SAMD3: variants seen among roughly 807,000 people sequenced by gnomAD.
SAMD3 encodes the protein sterile alpha motif domain containing 3, also known as sterile alpha motif domain-containing protein 3.
In SAMD3, 63 loss-of-function variants were observed where a neutral mutation model predicts 58.5. That is an observed-to-expected ratio of 1.08 (90% CI 0.88 to 1.33). The LOEUF (loss-of-function observed/expected upper bound fraction) is 1.33, where lower values mean the gene tolerates loss of function less well. Among genes scored for constraint, SAMD3 ranks in the 40% most tolerant of loss-of-function variants. The pLI is 0.00. For missense variants in SAMD3, 604 were observed against 608.4 expected (o/e 0.99, Z 0.08); for synonymous variants, 220 against 210.3 (o/e 1.05, Z -0.40).
intron 2 of SAMD3, among the ~76,000 whole-genome samples, chr6:130,296,958 C>T (rs1363962565): frequency 6.6e-6 from 1 of 152,198 alleles, no homozygotes; most frequent in Non-Finnish European, 1.5e-5. Flanking sequence ...CACTTCAGTG[C>T]ACCCCAACAC....
At chr6:130,351,187 C>A (rs1777650012) in intron 1 of SAMD3, among the ~76,000 whole-genome samples, 1 of 152,138 alleles carries the variant, frequency 6.6e-6, no homozygotes, top group South Asian at 2.1e-4. Context: ...TTGTCTAAAA[C>A]ACCAAAAGCA....
chr6:130,289,155 G>C (rs535791300), intron 2 of SAMD3, among the ~76,000 whole-genome samples: 1 of 152,226 alleles, frequency 6.6e-6, no homozygotes, highest in East Asian at 1.9e-4. Context: ...TTGTTGTTGA[G>C]GCTACTTTAA....
chr6:130,319,139 A>C (rs1275797825), intron 1 of SAMD3, among the ~76,000 whole-genome samples: 1 of 152,184 alleles, frequency 6.6e-6, no homozygotes, highest in Non-Finnish European at 1.5e-5. Context: ...ATAAAGCATC[A>C]GTGGGTTGTG....
intron 1 of SAMD3, among the ~76,000 whole-genome samples, chr6:130,322,482 A>C (rs990295162): frequency 6.6e-6 from 1 of 152,196 alleles, no homozygotes; most frequent in African/African-American, 2.4e-5. Flanking sequence ...TTCAAAGTAC[A>C]TTGTAGTAGC....
At chr6:130,341,719 G>A (rs1172116248) in intron 1 of SAMD3, among the ~76,000 whole-genome samples, 1 of 152,084 alleles carries the variant, frequency 6.6e-6, no homozygotes, top group African/African-American at 2.4e-5. Context: ...TGAGTGGGAG[G>A]CTTGTTGTTA....
intron 2 of SAMD3, among the ~76,000 whole-genome samples, chr6:130,255,465 A>G (rs1773891876): frequency 6.6e-6 from 1 of 152,152 alleles, no homozygotes; most frequent in African/African-American, 2.4e-5. Flanking sequence ...TGCTTTATAT[A>G]TTTATGTGTT....
In SAMD3 at chr6:130,144,636, T is replaced by G. The variant is rs766207441; in HGVS notation, c.1447A>C (p.Arg483=). The change falls in exon 12 of 12, where the codon AGA becomes CGA. Residue 483 remains arginine, a synonymous_variant. Coordinates refer to ENST00000439090, the MANE Select transcript of SAMD3 (RefSeq NM_001017373.4). ...AGGAAGTTGAAAGTTTGGGACAGTC[T>G]TCTTGGACACTCAATCCTAAATACA... ...FHVFRIECPR[R]LSQTFNFLET... 17 of 1,614,150 alleles carry G rather than the reference T, an allele frequency of 1.1e-5. No individual in the cohort carries two copies. In the South Asian group the frequency reaches 1.5e-4, roughly 15 times the overall value.
intron 9 of SAMD3, among the ~76,000 whole-genome samples, chr6:130,147,221 C>T (rs1788719794): frequency 1.3e-5 from 2 of 152,132 alleles, no homozygotes; most frequent in African/African-American, 4.8e-5. Context: ...CTATAAAGAA[C>T]AATCACATAC....
At chr6:130,363,283 C>G (rs1352357363) in intron 1 of SAMD3, among the ~76,000 whole-genome samples, 1 of 152,216 alleles carries the variant, frequency 6.6e-6, no homozygotes, top group Non-Finnish European at 1.5e-5. Flanking sequence ...TAATCCCACA[C>G]AAATTTTCTA....
chr6:130,232,379 G>A (rs544532161), intron 2 of SAMD3, among the ~76,000 whole-genome samples: 21 of 152,114 alleles, frequency 1.4e-4, no homozygotes, highest in Admixed American at 6.5e-5. Context: ...GTGTTAATGG[G>A]CTAATTAATG....
intron 5 of SAMD3, among the ~76,000 whole-genome samples, chr6:130,206,742 C>G (rs1188491768): frequency 1.3e-5 from 2 of 152,132 alleles, no homozygotes; most frequent in Non-Finnish European, 2.9e-5. Context: ...CTTCTAGTTT[C>G]CAAACCCTTC....
chr6:130,170,181 A>G (rs1274598734), intron 8 of SAMD3, among the ~76,000 whole-genome samples: 1 of 152,102 alleles, frequency 6.6e-6, no homozygotes, highest in Non-Finnish European at 1.5e-5. Context: ...TGTTTGTCCT[A>G]ATGCTCTCCC....
chr6:130,186,441 G>C (rs1792967925), intron 5 of SAMD3, among the ~76,000 whole-genome samples: 1 of 152,012 alleles, frequency 6.6e-6, no homozygotes, highest in Admixed American at 6.5e-5. Context: ...TACTATATCA[G>C]TGGCGAAATT....
chr6:130,252,994 C>T (rs1773791975), intron 2 of SAMD3, among the ~76,000 whole-genome samples: 1 of 152,150 alleles, frequency 6.6e-6, no homozygotes. Context: ...TTTACATTTC[C>T]AGTAATCAGA....
intron 9 of SAMD3, among the ~76,000 whole-genome samples, chr6:130,147,444 A>C (rs1430382003): frequency 1.3e-5 from 2 of 152,218 alleles, no homozygotes; most frequent in Non-Finnish European, 2.9e-5. Context: ...GAAGGAGGTG[A>C]ATACGCCACT....
intron 5 of SAMD3, among the ~76,000 whole-genome samples, chr6:130,186,648 C>T (rs1792989986): frequency 6.6e-6 from 1 of 152,112 alleles, no homozygotes; most frequent in Non-Finnish European, 1.5e-5. Context: ...TCATTTTCTT[C>T]CATATTCTAT....
At chr6:130,207,576 C>T (rs1027530461) in intron 5 of SAMD3, among the ~76,000 whole-genome samples, 1 of 152,154 alleles carries the variant, frequency 6.6e-6, no homozygotes. Context: ...GAGCTCATGG[C>T]TTACTACATG....
intron 1 of SAMD3, among the ~76,000 whole-genome samples, chr6:130,350,080 T>C (rs998549417): frequency 5.9e-5 from 9 of 152,138 alleles, no homozygotes; most frequent in African/African-American, 1.9e-4. Context: ...CTCAAAATAA[T>C]AAGAGCTATC....
chr6:130,329,189 T>C (rs1437703580), intron 1 of SAMD3, among the ~76,000 whole-genome samples: 2 of 151,658 alleles, frequency 1.3e-5, no homozygotes, highest in Non-Finnish European at 2.9e-5. Context: ...TTATCTTTGG[T>C]ATGGTGGCTA....
Sources: allele counts gnomAD v4.1 joint callset (sites outside exome capture counted in the v4.1 genomes callset), GRCh38; gene constraint gnomAD v4.1.1; transcripts MANE v1.5; gene names NCBI Gene and HGNC (gene_info 2026-07-23, HGNC 2026-07-21).